Variants in RALYL observed in about 807,000 individuals in gnomAD.
The protein encoded by RALYL is RNA-binding Raly-like protein.
RALYL carries 29 observed loss-of-function variants against 35.1 expected under a neutral mutation model. The observed-to-expected ratio is 0.83, with a 90% CI of 0.61 to 1.13. The LOEUF (loss-of-function observed/expected upper bound fraction) is 1.13. Among genes scored for constraint, RALYL ranks in the 50% most tolerant of loss-of-function variants. RALYL has a pLI of 0.00. For synonymous variants in RALYL, 120 were observed against 127.6 expected (o/e 0.94, Z 0.40); for missense variants, 359 against 360.4 (o/e 1.00, Z 0.03).
intron 3 of RALYL, among the ~76,000 whole-genome samples, chr8:84,774,905 C>G (rs1206257819): frequency 6.6e-6 from 1 of 152,142 alleles, no homozygotes; most frequent in Non-Finnish European, 1.5e-5. Context: ...ACTAATGACT[C>G]TACCTGACAA....
intron 1 of RALYL, among the ~76,000 whole-genome samples, chr8:84,409,112 T>C (rs1046469855): frequency 6.6e-6 from 1 of 152,090 alleles, no homozygotes; most frequent in Non-Finnish European, 1.5e-5. Context: ...TTAGAAGCCA[T>C]GTCCACTCAT....
chr8:84,462,194 T>C (rs540410659), intron 1 of RALYL, among the ~76,000 whole-genome samples: 22 of 151,734 alleles, frequency 1.4e-4, no homozygotes, highest in African/African-American at 5.1e-4. Context: ...TAATTTCCAA[T>C]CGCCTAATGA....
intron 1 of RALYL, among the ~76,000 whole-genome samples, chr8:84,446,383 CA>C (rs35879139): frequency 1.3e-5 from 2 of 150,874 alleles, no homozygotes; most frequent in Non-Finnish European, 3.0e-5. Context: ...ATAGTGGGTG[CA>C]AAAAAAAGGA....
chr8:84,563,019 C>T (rs1404880382), intron 2 of RALYL, among the ~76,000 whole-genome samples: 1 of 151,932 alleles, frequency 6.6e-6, no homozygotes, highest in Non-Finnish European at 1.5e-5. Context: ...ATGGCAGTCA[C>T]TCTTACATGG....
At chr8:84,761,810 A>G (rs765732834) in intron 2 of RALYL, among the ~76,000 whole-genome samples, 2 of 152,208 alleles carry the variant, frequency 1.3e-5, no homozygotes, top group East Asian at 1.9e-4. Flanking sequence ...AATATACAAC[A>G]TACATAATAA....
At chr8:84,607,752 T>A (rs1003665204) in intron 2 of RALYL, among the ~76,000 whole-genome samples, 15 of 152,116 alleles carry the variant, frequency 9.9e-5, no homozygotes, top group Non-Finnish European at 2.1e-4. Context: ...CTATTGTGTA[T>A]ATACTTAGAT....
intron 1 of RALYL, among the ~76,000 whole-genome samples, chr8:84,220,785 T>A (rs13259252): frequency 0.38 from 56,940 of 151,684 alleles, 10,955 homozygotes; most frequent in Non-Finnish European, 0.43. Context: ...ATGGAAGTAG[T>A]ACATAAATGA....
intron 1 of RALYL, among the ~76,000 whole-genome samples, chr8:84,358,681 T>A (rs1701085536): frequency 6.6e-6 from 1 of 152,070 alleles, no homozygotes; most frequent in African/African-American, 2.4e-5. Context: ...AGTGCATATG[T>A]GAGAAGAATG....
chr8:84,653,220 T>C (rs1267939877), intron 2 of RALYL, among the ~76,000 whole-genome samples: 1 of 152,152 alleles, frequency 6.6e-6, no homozygotes, highest in Admixed American at 6.6e-5. Context: ...CTTTAAATTA[T>C]ATGCCACTTT....
In RALYL at chr8:84,921,198, A is replaced by C. The variant is rs1427631855; in HGVS notation, c.*287A>C. The stretch of plus-strand genomic sequence containing the variant: ...AATGTGAAAGGCATTTATGAATGGT[A>C]AGGGAAACACTATATACAAATGTAT... On this transcript the variant is annotated 3_prime_UTR_variant, in exon 9 of 9. Transcript: ENST00000521268. The C allele has an allele frequency of 1.5e-5, 4 of 266,166 alleles. No individual in the cohort carries two copies. Among genetic ancestry groups the C allele is most frequent in the African/African-American group, 8.9e-5 (4 of 45,116 alleles). The allele number at this position is 266,166 out of a possible 1,614,324, so 16.5% of individuals were successfully genotyped here.
At chr8:84,464,132 T>C (rs901840480) in intron 1 of RALYL, among the ~76,000 whole-genome samples, 2 of 104,656 alleles carry the variant, frequency 1.9e-5, no homozygotes, top group African/African-American at 3.8e-5. Flanking sequence ...TTAAAACAAG[T>C]TTTTTTTTTG....
intron 2 of RALYL, among the ~76,000 whole-genome samples, chr8:84,620,206 T>C (rs1820995757): frequency 6.6e-6 from 1 of 152,220 alleles, no homozygotes; most frequent in African/African-American, 2.4e-5. Flanking sequence ...CTTGGTTCCA[T>C]TCTCCCCATC....
rs137931887 is a variant in RALYL, at chr8:84,883,422, C to T, written c.686-4182C>T. ...AAGAAAAAGAGGTTTAATGAACTCACAGTTCCATGTGGCTGGGGAGGCCTC... is the reference window on the plus strand; with the variant it reads ...AAGAAAAAGAGGTTTAATGAACTCATAGTTCCATGTGGCTGGGGAGGCCTC... On this transcript the variant is annotated intron_variant, in intron 7 of 8. Coordinates refer to ENST00000521268, the MANE Select transcript of RALYL (RefSeq NM_173848.7). 9.8e-3 allele frequency among the ~76,000 whole-genome samples: 1,486 copies of T among 152,132 alleles called. 21 individuals carry two copies. The highest frequency in any genetic ancestry group is 0.034 in the Middle Eastern group (10 of 294).
chr8:84,367,020 CG>C (rs1478826808), intron 1 of RALYL, among the ~76,000 whole-genome samples: 2 of 151,044 alleles, frequency 1.3e-5, no homozygotes, highest in East Asian at 3.9e-4. Flanking sequence ...CCGTGGTGTT[CG>C]GGGAAAAAAA....
chr8:84,661,179 C>T (rs369262904), intron 2 of RALYL, among the ~76,000 whole-genome samples: 1 of 152,014 alleles, frequency 6.6e-6, no homozygotes, highest in Non-Finnish European at 1.5e-5. Flanking sequence ...CCTCCCACCT[C>T]GGCCTCCCAA....
chr8:84,535,184 T>C (rs1163167591), intron 2 of RALYL, among the ~76,000 whole-genome samples: 72 of 152,196 alleles, frequency 4.7e-4, no homozygotes, highest in Admixed American at 4.6e-3. Flanking sequence ...TTCTGCTGGT[T>C]AGGAGCCAAA....
intron 3 of RALYL, among the ~76,000 whole-genome samples, chr8:84,790,600 G>A (rs1278765929): frequency 1.3e-5 from 2 of 152,158 alleles, no homozygotes; most frequent in Non-Finnish European, 2.9e-5. Context: ...TGGGTACCAA[G>A]GATATCCCAG....
intron 1 of RALYL, among the ~76,000 whole-genome samples, chr8:84,451,621 T>G (rs2049485913): frequency 6.6e-6 from 1 of 151,946 alleles, no homozygotes; most frequent in Admixed American, 6.6e-5. Context: ...CACTTTAAGA[T>G]CAATATAATT....
intron 1 of RALYL, among the ~76,000 whole-genome samples, chr8:84,501,597 A>G (rs1160647346): frequency 2.6e-5 from 4 of 151,958 alleles, no homozygotes; most frequent in Admixed American, 2.6e-4. Context: ...AAACCAACAT[A>G]TACAAATTGG....
Sources: gnomAD v4.1 joint callset for allele counts (sites outside exome capture counted in the v4.1 genomes callset) on GRCh38, gnomAD v4.1.1 for gene constraint, MANE v1.5 for transcripts, NCBI Gene and HGNC (gene_info 2026-07-23, HGNC 2026-07-21) for gene names.